Variants in EPX observed in about 807,000 individuals in gnomAD.
The protein encoded by EPX is eosinophil peroxidase.
A neutral mutation model predicts 73.0 loss-of-function variants in EPX; 60 were observed. The observed-to-expected ratio is 0.82, with a 90% CI of 0.67 to 1.02. The LOEUF (loss-of-function observed/expected upper bound fraction) is 1.02. Among genes scored for constraint, EPX ranks in the 50% least tolerant of loss-of-function variants. The pLI, the probability that EPX is intolerant of heterozygous loss-of-function variation, is 0.00. For synonymous variants in EPX, 347 were observed against 389.2 expected (o/e 0.89, Z 1.28); for missense variants, 950 against 973.9 (o/e 0.98, Z 0.33).
rs925479491 is a variant in EPX at position 58,192,741 on chromosome 17, G to A, written c.-106G>A. The A allele has an allele frequency of 1.8e-5, 17 of 936,024 alleles. No homozygotes were observed. Among genetic ancestry groups the A allele is most frequent in the African/African-American group, 3.3e-5 (2 of 61,436 alleles). 58.0% of individuals were successfully genotyped at this position (936,024 alleles called of 1,614,324 possible). The stretch of plus-strand genomic sequence containing the variant: ...TACGTCCAGAGAAGAGCTGGAGGAA[G>A]TGAGAGGTCGGCTGGGGGTCCTCAA... On this transcript the variant is annotated 5_prime_UTR_variant, in exon 1 of 13. It adds an upstream start codon to the 5' untranslated region. Transcript: ENST00000225371.
At position 58,193,493 on chromosome 17, in the gene EPX, G is replaced by A; in HGVS notation, c.293G>A (p.Gly98Glu). ...RAADYMHVAL[G>E]LLEEKLQPQR... ...GCAGATTATATGCATGTGGCTTTGG[G>A]GCTGCTTGAAGAGAAGTTACAACCC... Residue 98 changes from glycine (G) to glutamate (E), a missense_variant, in exon 3 of 13, where the codon GGG (glycine) becomes GAG (glutamate). Physicochemically the swap from Gly to Glu is moderately conservative, Grantham distance 98. Transcript: ENST00000225371. 1 of 1,614,182 alleles carries A rather than the reference G, an allele frequency of 6.2e-7. No individual in the cohort carries two copies.
intron 5 of EPX, 25 bp from the exon 6 acceptor site, chr17:58,194,939 C>T (rs750130352): frequency 2.1e-5 from 33 of 1,590,768 alleles, no homozygotes; most frequent in Non-Finnish European, 2.5e-5. Flanking sequence ...GCCCATGTCC[C>T]GTGCTGATGT....
chr17:58,202,043 G>A (rs1171389710), intron 10 of EPX, among the ~76,000 whole-genome samples: 2 of 152,176 alleles, frequency 1.3e-5, no homozygotes, highest in Non-Finnish European at 2.9e-5. Flanking sequence ...ACAGTAAAGT[G>A]ACCCTGAAGC....
rs1212833265 is a variant in EPX at position 58,199,779 on chromosome 17, C to T, written c.1522C>T (p.Arg508Trp). 8.1e-6 allele frequency: 13 copies of T among 1,608,938 alleles called. No homozygotes were observed. The highest frequency in any genetic ancestry group is 1.1e-5 in the South Asian group (1 of 91,028). Residue 508 changes from arginine (R) to tryptophan (W), a missense_variant, in exon 9 of 13, where the codon CGG becomes TGG. Arg to Trp is a moderately radical substitution (Grantham distance 101). Transcript: ENST00000225371. ...PLSSAFFASW[R>W]IVYEGGIDPI... Reference sequence around the variant, plus strand: ...TAGCTCTGCCTTCTTTGCCAGCTGGCGGATCGTGTATGAAGGTGACCAGGT... The same window carrying T: ...TAGCTCTGCCTTCTTTGCCAGCTGGTGGATCGTGTATGAAGGTGACCAGGT...
intron 6 of EPX, among the ~76,000 whole-genome samples, chr17:58,195,700 A>T (rs369319835): frequency 3.2e-4 from 48 of 151,758 alleles, no homozygotes; most frequent in Admixed American, 1.4e-3. Flanking sequence ...ACACTCTCTC[A>T]CACACACACA....
In EPX at chr17:58,203,218, A is replaced by T. The variant is rs1480854818; in HGVS notation, c.1846A>T (p.Ile616Phe). The T allele has an allele frequency of 6.2e-7, 1 of 1,614,162 alleles. No individual in the cohort carries two copies. The highest frequency in any genetic ancestry group is 1.7e-5 in the Admixed American group (1 of 60,014). The change falls in exon 11 of 13, where the codon ATT becomes TTT. Residue 616 changes from isoleucine (I) to phenylalanine (F), a missense_variant. Ile to Phe is a conservative substitution (Grantham distance 21). Transcript: ENST00000225371. ...YGTPDNIDIW[I>F]GAIAEPLLPG... ...AACACCTGACAACATTGACATCTGG[A>T]TTGGGGCCATCGCTGAGCCTCTTTT...
Position 58,202,982 on chromosome 17 carries a change from T to C in EPX, c.1709-99T>C, listed in dbSNP as rs532007649. 1.7e-5 allele frequency: 15 copies of C among 878,714 alleles called. 1 individual carries two copies. Among genetic ancestry groups the C allele is most frequent in the African/African-American group, 9.8e-5 (6 of 61,292 alleles). 54.4% of individuals were successfully genotyped at this position (878,714 alleles called of 1,614,324 possible). A position where few individuals can be genotyped will look rare whatever the true frequency, so the allele number is the denominator to read the frequency against. ...CAGGATCTTCTGGTTCTGCCCAATA[T>C]TGACTGGCCACAGCTTCCCCCCAGA... On this transcript the variant is annotated intron_variant, in intron 10 of 12. Coordinates refer to ENST00000225371, the MANE Select transcript of EPX (RefSeq NM_000502.6).
chr17:58,203,181 G>A lies in EPX; in HGVS notation c.1809G>A (p.Leu603=). Residue 603 remains leucine (L), a synonymous_variant, in exon 11 of 13, where the codon CTG becomes CTA. Transcript: ENST00000225371. ...ACCAGGACTTGGCAAGGAAGTTCCT[G>A]AATTTGTATGGAACACCTGACAACA... ...LKNQDLARKF[L]NLYGTPDNID... 6.2e-7 allele frequency: 1 copy of A among 1,614,200 alleles called. No homozygotes were observed. The highest frequency in any genetic ancestry group is 8.5e-7 in the Non-Finnish European group (1 of 1,180,012).
In EPX at chr17:58,199,224, T is replaced by A. The variant is rs577846595; in HGVS notation, c.1281+24T>A. ...AGGTAAGGAGCTCTGCATCCCAGCA[T>A]CCCCCAGATGACAAGCTTGGCATGA... On this transcript the variant is annotated intron_variant, in intron 8 of 12. Transcript: ENST00000225371. 170 of 1,610,876 alleles carry A rather than the reference T, an allele frequency of 1.1e-4. 2 individuals carry two copies. In the South Asian group the frequency reaches 1.7e-3, roughly 16 times the overall value.
chr17:58,204,614 G>A (rs937656178), intron 12 of EPX, 122 bp from the exon 13 acceptor site: 4 of 597,348 alleles, frequency 6.7e-6, no homozygotes, highest in Non-Finnish European at 9.0e-6. Context: ...CCAGGCCCTA[G>A]GACTTTGGGG....
At chr17:58,199,409 C>T in intron 8 of EPX, 130 bp from the exon 9 acceptor site, 6 of 1,199,894 alleles carry the variant, frequency 5.0e-6, no homozygotes, top group Non-Finnish European at 3.6e-6. Context: ...TATCTCCACC[C>T]ACCAATAGTA....
chr17:58,203,224 G>T lies in EPX; in HGVS notation c.1852G>T (p.Ala618Ser), dbSNP rs1457309273. Residue 618 changes from alanine to serine, a missense_variant, in exon 11 of 13, where the codon GCC becomes TCC. Physicochemically the swap from Ala to Ser is moderately conservative, Grantham distance 99 (BLOSUM62 1). Transcript: ENST00000225371. ...TPDNIDIWIG[A>S]IAEPLLPGAR... ...TGACAACATTGACATCTGGATTGGGGCCATCGCTGAGCCTCTTTTGCCGGG... is the reference window on the plus strand; with the variant it reads ...TGACAACATTGACATCTGGATTGGGTCCATCGCTGAGCCTCTTTTGCCGGG... The T allele has an allele frequency of 6.2e-7, 1 of 1,614,148 alleles. No individual in the cohort carries two copies. Among genetic ancestry groups the T allele is most frequent in the Non-Finnish European group, 8.5e-7 (1 of 1,180,004 alleles).
rs372912624 is a variant in EPX, at chr17:58,193,794, G to A, written c.427G>A (p.Asp143Asn). The change falls in exon 4 of 13, where the codon GAC becomes AAC. Residue 143 changes from aspartate (D) to asparagine (N), a missense_variant. Asp to Asn is a conservative substitution (Grantham distance 23). Transcript: ENST00000225371. The part of the protein sequence containing the change: ...ALRDQAERCS[D>N]KYRTITGRCN... Reference sequence around the variant, plus strand: ...CCGGGACCAGGCCGAGCGCTGCAGCGACAAGTACCGCACCATCACTGGACG... The same window carrying A: ...CCGGGACCAGGCCGAGCGCTGCAGCAACAAGTACCGCACCATCACTGGACG... The A allele has an allele frequency of 3.6e-5, 58 of 1,613,236 alleles. No individual in the cohort carries two copies. The highest frequency in any genetic ancestry group is 6.7e-5 in the African/African-American group (5 of 74,896).
chr17:58,199,869 T>A (rs1968316368), intron 9 of EPX, 75 bp downstream of exon 9: 11 of 1,520,792 alleles, frequency 7.2e-6, no homozygotes, highest in Non-Finnish European at 9.9e-6. Flanking sequence ...CCAAGCTTAC[T>A]GCCAGGAAGC....
rs1182192133 is a variant in EPX, at chr17:58,193,041, C to A, written c.80C>A (p.Ser27Tyr). The A allele has an allele frequency of 6.2e-7, 1 of 1,610,936 alleles. No individual in the cohort carries two copies. Among genetic ancestry groups the A allele is most frequent in the Admixed American group, 1.7e-5 (1 of 60,010 alleles). ...AQPCEGTDPA[S>Y]PGAVETSVLR... The stretch of plus-strand genomic sequence containing the variant: ...GAGTCCCCATCTCTTTGAACAGCCT[C>A]CCCTGGGGCAGTGGAGACCTCGGTC... The change falls in exon 2 of 13, where the codon TCC (serine) becomes TAC (tyrosine). Residue 27 changes from serine to tyrosine, a missense_variant. Ser to Tyr is a moderately radical substitution (Grantham distance 144, BLOSUM62 -2). Transcript: ENST00000225371.
At chr17:58,196,640 C>T (rs530063281) in intron 6 of EPX, among the ~76,000 whole-genome samples, 2 of 152,204 alleles carry the variant, frequency 1.3e-5, no homozygotes, top group Non-Finnish European at 2.9e-5. Flanking sequence ...AAGTTCTAAT[C>T]CCACCTTTCC....
At chr17:58,197,291 A>G in intron 7 of EPX, 34 bp downstream of exon 7, 1 of 1,605,888 alleles carries the variant, frequency 6.2e-7, no homozygotes. Flanking sequence ...TCTTCCCAGG[A>G]AACAGCCATC....
chr17:58,195,712 G>A (rs1184686270), intron 6 of EPX, among the ~76,000 whole-genome samples: 13 of 150,818 alleles, frequency 8.6e-5, no homozygotes, highest in East Asian at 1.9e-4. Flanking sequence ...ACACACACAC[G>A]TGCACACACA....
At position 58,199,078 on chromosome 17, in the gene EPX, A is replaced by T; in HGVS notation, c.1159A>T (p.Met387Leu). 6.2e-7 allele frequency: 1 copy of T among 1,614,122 alleles called. No homozygotes were observed. The highest frequency in any genetic ancestry group is 8.5e-7 in the Non-Finnish European group (1 of 1,180,006). ...RSTETPKLAA[M>L]HTLFMREHNR... Reference sequence around the variant, plus strand: ...AACGGAAACCCCCAAACTGGCAGCCATGCACACCCTCTTTATGCGAGAGCA... The same window carrying T: ...AACGGAAACCCCCAAACTGGCAGCCTTGCACACCCTCTTTATGCGAGAGCA... The change falls in exon 8 of 13, where the codon ATG (methionine) becomes TTG (leucine). Residue 387 changes from methionine (M) to leucine (L), a missense_variant. By Grantham distance (15) the Met-to-Leu change is conservative. Transcript: ENST00000225371.
Sources: allele counts gnomAD v4.1 joint callset (sites outside exome capture counted in the v4.1 genomes callset), GRCh38; gene constraint gnomAD v4.1.1; transcripts MANE v1.5; gene names NCBI Gene and HGNC (gene_info 2026-07-23, HGNC 2026-07-21).